Variants in PREP observed in about 807,000 individuals in gnomAD.
The protein encoded by PREP is prolyl endopeptidase, also known as dJ355L5.1 (prolyl endopeptidase).
PREP carries 29 observed loss-of-function variants against 87.6 expected under a neutral mutation model. The ratio of observed to expected loss-of-function variants is 0.33; its 90% CI spans 0.25 to 0.45. The LOEUF (loss-of-function observed/expected upper bound fraction) is 0.45. PREP is among the 20% of genes least tolerant of loss of function. The probability of loss-of-function intolerance (pLI) is 1.00; values close to 1 mark genes in which losing one functional copy is unlikely to be tolerated. For synonymous variants in PREP, 337 were observed against 328.6 expected (o/e 1.03, Z -0.28); for missense variants, 695 against 886.5 (o/e 0.78, Z 2.74).
intron 2 of PREP, among the ~76,000 whole-genome samples, chr6:105,397,213 G>A (rs1034470154): frequency 4.2e-5 from 6 of 142,922 alleles, no homozygotes; most frequent in Non-Finnish European, 9.0e-5. Flanking sequence ...GTATACATAA[G>A]TGACAAGTCC....
Position 105,402,996 on chromosome 6 carries a change from G to A in PREP, c.-105C>T. The A allele has an allele frequency of 4.1e-6, 2 of 482,454 alleles. No individual in the cohort carries two copies. Among genetic ancestry groups the A allele is most frequent in the Admixed American group, 4.8e-5 (1 of 20,908 alleles). The allele number at this position is 482,454 out of a possible 1,614,324, so 29.9% of individuals were successfully genotyped here. The stretch of plus-strand genomic sequence containing the variant: ...CGCGGCTGGGGCGCAGGCAGCTGCG[G>A]GGCGGCCGGCGGCAGCGGGCGGCCG... On this transcript the variant is annotated 5_prime_UTR_variant, in exon 1 of 15. Coordinates refer to ENST00000652536, the MANE Select transcript of PREP (RefSeq NM_002726.5).
intron 12 of PREP, 121 bp downstream of exon 12, chr6:105,285,365 A>T: frequency 1.2e-6 from 1 of 860,232 alleles, no homozygotes; most frequent in Non-Finnish European, 1.8e-6. Flanking sequence ...CTTGTTTTTC[A>T]TTCGTCTAGC....
In PREP at chr6:105,402,886, C is replaced by T; in HGVS notation, c.6G>A (p.Leu2=). The T allele has an allele frequency of 6.5e-7, 1 of 1,532,424 alleles. No individual in the cohort carries two copies. Among genetic ancestry groups the T allele is most frequent in the Non-Finnish European group, 8.8e-7 (1 of 1,136,258 alleles). The allele number at this position is 1,532,424 out of a possible 1,614,324, so 94.9% of individuals were successfully genotyped here. A position where few individuals can be genotyped will look rare whatever the true frequency, so the allele number is the denominator to read the frequency against. ...GGTACACGTCGGGGTACTGAAGGGA[C>T]AGCATGGCCGGGGACAGGCAGGGGG... M[L]SLQYPDVYRD... Residue 2 remains leucine (L), a synonymous_variant, in exon 1 of 15, where the codon CTG becomes CTA. Coordinates refer to ENST00000652536, the MANE Select transcript of PREP (RefSeq NM_002726.5).
chr6:105,323,597 G>C (rs2114646536), intron 10 of PREP, 68 bp downstream of exon 10: 5 of 1,352,590 alleles, frequency 3.7e-6, no homozygotes, highest in Middle Eastern at 3.6e-4. Context: ...ATAAGCTACA[G>C]TGTGAATGGC....
intron 7 of PREP, among the ~76,000 whole-genome samples, chr6:105,338,969 C>G (rs1200756862): frequency 6.6e-6 from 1 of 152,164 alleles, no homozygotes; most frequent in Non-Finnish European, 1.5e-5. Flanking sequence ...AGGGCATAGC[C>G]GAACAGAAGG....
chr6:105,315,828 T>G (rs1770852429), intron 10 of PREP, among the ~76,000 whole-genome samples: 3 of 152,254 alleles, frequency 2.0e-5, no homozygotes, highest in African/African-American at 7.2e-5. Context: ...TTCCTTAAAC[T>G]TCATGAACCA....
At position 105,343,490 on chromosome 6, in the gene PREP, C is replaced by T. The variant is rs149484474; in HGVS notation, c.823+9482G>A. On this transcript the variant is annotated intron_variant, in intron 7 of 14. Transcript: ENST00000652536. The stretch of plus-strand genomic sequence containing the variant: ...GGGCAAGGACTTCATGACTAAAGCA[C>T]GAAAAGCAATGCCAACAGAAGCCAA... Among the ~76,000 whole-genome samples the T allele has an allele frequency of 6.4e-3, 978 of 152,254 alleles. 15 individuals are homozygous for T. Among genetic ancestry groups the T allele is most frequent in the South Asian group, 0.04 (195 of 4,822 alleles).
intron 1 of PREP, among the ~76,000 whole-genome samples, chr6:105,401,417 C>G (rs1773427481): frequency 6.6e-6 from 1 of 152,164 alleles, no homozygotes; most frequent in East Asian, 1.9e-4. Context: ...TGACAACATT[C>G]CTACTGCAGA....
rs907100690 is a variant in PREP at position 105,393,604 on chromosome 6, T to C, written c.120+4249A>G. 3.3e-5 allele frequency among the ~76,000 whole-genome samples: 5 copies of C among 152,286 alleles called. No individual in the cohort carries two copies. In the South Asian group the frequency reaches 1.0e-3, roughly 32 times the overall value. ...GCAGCGCTGTCCAGTAGATACATTATGCAAGCTACATATACAATTTAAAAA... is the reference window on the plus strand; with the variant it reads ...GCAGCGCTGTCCAGTAGATACATTACGCAAGCTACATATACAATTTAAAAA... On this transcript the variant is annotated intron_variant, in intron 2 of 14. Transcript: ENST00000652536.
At chr6:105,326,943 G>T (rs1583057285) in intron 9 of PREP, among the ~76,000 whole-genome samples, 1 of 152,252 alleles carries the variant, frequency 6.6e-6, no homozygotes, top group East Asian at 1.9e-4. Flanking sequence ...ATATTTCATT[G>T]TTTGGCACAG....
At chr6:105,368,809 T>TG in intron 6 of PREP, 94 bp downstream of exon 6, 1 of 1,424,306 alleles carries the variant, frequency 7.0e-7, no homozygotes, top group South Asian at 1.4e-5. Context: ...ATGGGACTTC[T>TG]GCCATCCATA....
intron 6 of PREP, among the ~76,000 whole-genome samples, chr6:105,353,686 T>A (rs2114684905): frequency 6.7e-6 from 1 of 148,976 alleles, no homozygotes; most frequent in South Asian, 2.1e-4. Flanking sequence ...GCAGGAGAAC[T>A]GCTTGAACCC....
chr6:105,334,142 C>T (rs569765647), intron 7 of PREP, among the ~76,000 whole-genome samples: 1 of 152,358 alleles, frequency 6.6e-6, no homozygotes, highest in South Asian at 2.1e-4. Context: ...AGTATGGCAG[C>T]CACCACAGTA....
At chr6:105,286,220 A>C (rs1329524081) in intron 11 of PREP, among the ~76,000 whole-genome samples, 7 of 152,320 alleles carry the variant, frequency 4.6e-5, no homozygotes, top group Middle Eastern at 3.4e-3. Context: ...TCACAGGAGG[A>C]CCTGATAATG....
At position 105,360,058 on chromosome 6, in the gene PREP, C is replaced by T. The variant is rs573119161; in HGVS notation, c.718-6981G>A. On this transcript the variant is annotated intron_variant, in intron 6 of 14. Transcript: ENST00000652536. ...GCAGTGTGTACAACACAGCCCACGG[C>T]CACTGTTCTTCCACTCAGTGTCCTC... Among the ~76,000 whole-genome samples, 3 of 152,056 alleles carry T rather than the reference C, an allele frequency of 2.0e-5. No individual in the cohort carries two copies. The South Asian group carries it at 6.2e-4, about 32-fold the overall frequency.
Position 105,361,979 on chromosome 6 carries a change from G to A in PREP, c.717+6924C>T, listed in dbSNP as rs575384991. Among the ~76,000 whole-genome samples the A allele has an allele frequency of 6.4e-4, 98 of 152,036 alleles. 1 individual carries two copies. The highest frequency in any genetic ancestry group is 2.2e-3 in the African/African-American group (92 of 41,474). On this transcript the variant is annotated intron_variant, in intron 6 of 14. Coordinates refer to ENST00000652536, the MANE Select transcript of PREP (RefSeq NM_002726.5). ...ACAGTGTGGTACAACAGCAATAGAAGAAAAAAAGAAATCAATCCAAATACT... is the reference window on the plus strand; with the variant it reads ...ACAGTGTGGTACAACAGCAATAGAAAAAAAAAAGAAATCAATCCAAATACT...
At position 105,278,051 on chromosome 6, in the gene PREP, G is replaced by A. The variant is rs1056267183; in HGVS notation, c.*93C>T. On this transcript the variant is annotated 3_prime_UTR_variant, in exon 15 of 15. Coordinates refer to ENST00000652536, the MANE Select transcript of PREP (RefSeq NM_002726.5). The surrounding 1 kb of genome is among the most constrained non-coding windows in gnomAD (Gnocchi z 4.2). Reference sequence around the variant, plus strand: ...CTGTGAGTGCAGGAATAATGTTCCCGTGGGGAAGCATTATGCCCAGTGGTT... The same window carrying A: ...CTGTGAGTGCAGGAATAATGTTCCCATGGGGAAGCATTATGCCCAGTGGTT... 21 of 1,433,702 alleles carry A rather than the reference G, an allele frequency of 1.5e-5. No homozygotes were observed. The highest frequency in any genetic ancestry group is 2.6e-4 in the Middle Eastern group (1 of 3,870). 88.8% of individuals were successfully genotyped at this position (1,433,702 alleles called of 1,614,324 possible). A position where few individuals can be genotyped will look rare whatever the true frequency, so the allele number is the denominator to read the frequency against.
At chr6:105,352,740 C>T (rs1442082734) in intron 7 of PREP, among the ~76,000 whole-genome samples, 1 of 152,244 alleles carries the variant, frequency 6.6e-6, no homozygotes, top group African/African-American at 2.4e-5. Context: ...TATTTTCACA[C>T]TATGTGCAGA....
At chr6:105,390,723 C>G (rs762470883) in intron 2 of PREP, among the ~76,000 whole-genome samples, 1 of 152,078 alleles carries the variant, frequency 6.6e-6, no homozygotes, top group African/African-American at 2.4e-5. Flanking sequence ...TCTACTTGGA[C>G]CCCTGGGTTG....
Sources: gnomAD v4.1 joint callset for allele counts (sites outside exome capture counted in the v4.1 genomes callset) on GRCh38, gnomAD v4.1.1 for gene constraint, Gnocchi (gnomAD v3.1) non-coding constraint, MANE v1.5 for transcripts, NCBI Gene and HGNC (gene_info 2026-07-23, HGNC 2026-07-21) for gene names.